The following PLCH1 variants were observed in gnomAD, a reference collection of about 807,000 sequenced individuals.
PLCH1 encodes 1-phosphatidylinositol 4,5-bisphosphate phosphodiesterase eta-1.
A neutral mutation model predicts 126.7 loss-of-function variants in PLCH1; 60 were observed. The observed-to-expected ratio is 0.47, with a 90% CI of 0.38 to 0.59. PLCH1 has a LOEUF of 0.59. Among genes scored for constraint, PLCH1 ranks in the 20% least tolerant of loss-of-function variants. The pLI is 0.00. For missense variants in PLCH1, 1,723 were observed against 2,040.0 expected, an observed-to-expected ratio of 0.84 and a Z score of 2.99; for synonymous variants, 719 against 734.9, an observed-to-expected ratio of 0.98 and a Z score of 0.35.
chr3:155,519,819 A>G (rs1720843895), intron 11 of PLCH1, among the ~76,000 whole-genome samples: 1 of 151,012 alleles, frequency 6.6e-6, no homozygotes, highest in Non-Finnish European at 1.5e-5. Context: ...CTAAAAACTG[A>G]AGTATTTCAA....
At chr3:155,578,055 T>C (rs1401165637) in intron 6 of PLCH1, among the ~76,000 whole-genome samples, 1 of 152,146 alleles carries the variant, frequency 6.6e-6, no homozygotes, top group Non-Finnish European at 1.5e-5. Context: ...GCTTGCAGTG[T>C]GTGGAATGCA....
chr3:155,608,379 C>T (rs1250973505), intron 2 of PLCH1, among the ~76,000 whole-genome samples: 1 of 152,196 alleles, frequency 6.6e-6, no homozygotes, highest in East Asian at 1.9e-4. Context: ...TGTGAGCAGG[C>T]AGGGAGGGGT....
intron 8 of PLCH1, among the ~76,000 whole-genome samples, chr3:155,559,022 T>C (rs536008): frequency 0.52 from 79,214 of 152,016 alleles, 22,940 homozygotes; most frequent in Non-Finnish European, 0.66. Context: ...TGCCAACCTC[T>C]CCTCTATGTT....
intron 5 of PLCH1, 152 bp from the exon 6 acceptor site, chr3:155,583,794 A>G (rs770506991): frequency 7.5e-6 from 4 of 532,962 alleles, no homozygotes; most frequent in Non-Finnish European, 9.4e-6. Context: ...TCAAGCACAC[A>G]TGGAACATTA....
intron 19 of PLCH1, among the ~76,000 whole-genome samples, chr3:155,490,400 G>C (rs1301279824): frequency 6.6e-6 from 1 of 152,076 alleles, no homozygotes; most frequent in Non-Finnish European, 1.5e-5. Context: ...GAAAAAGTGA[G>C]AAATTATCAA....
In PLCH1 at chr3:155,500,700, T is replaced by C; in HGVS notation, c.1796+3A>G. 4 of 1,589,438 alleles carry C rather than the reference T, an allele frequency of 2.5e-6. No homozygotes were observed. The highest frequency in any genetic ancestry group is 3.5e-6 in the Non-Finnish European group (4 of 1,157,548). On this transcript the variant is annotated splice_donor_region_variant and intron_variant, in intron 14 of 22. Transcript: ENST00000460012. ...AGTAGGAAACATGGAGATGCTTTCT[T>C]ACCTGTACAGCTGGCCACCCTCCTT... is the stretch of plus-strand genomic sequence containing the variant.
Position 155,500,310 on chromosome 3 carries a change from G to A in PLCH1, c.1796+393C>T, listed in dbSNP as rs911074151. On this transcript the variant is annotated intron_variant, in intron 14 of 22. Coordinates refer to ENST00000460012, the MANE Select transcript of PLCH1 (RefSeq NM_014996.4). ...GATACAATGAGGAGCCAAACTTGTC[G>A]CATGTTAAAGTTGGTAACTGGAGGA... Among the ~76,000 whole-genome samples, 22 of 152,206 alleles carry A rather than the reference G, an allele frequency of 1.4e-4. No homozygotes were observed. In the East Asian group the frequency reaches 2.1e-3, roughly 15 times the overall value.
chr3:155,596,082 C>T, intron 3 of PLCH1, 150 bp downstream of exon 3: 1 of 627,232 alleles, frequency 1.6e-6, no homozygotes, highest in Non-Finnish European at 2.8e-6. Flanking sequence ...CAAAGATGGT[C>T]ATTATTCTGC....
chr3:155,542,886 G>C (rs577265288), intron 10 of PLCH1, among the ~76,000 whole-genome samples: 1 of 151,972 alleles, frequency 6.6e-6, no homozygotes. Flanking sequence ...AAACCCATCT[G>C]TACATCACCA....
chr3:155,545,957 A>C (rs1001753739), intron 10 of PLCH1, among the ~76,000 whole-genome samples: 1 of 151,838 alleles, frequency 6.6e-6, no homozygotes, highest in African/African-American at 2.4e-5. Context: ...AACTGGAAGC[A>C]TTCCCTTTGA....
At chr3:155,715,379 G>C (rs1193456062) in intron 1 of PLCH1, among the ~76,000 whole-genome samples, 1 of 152,130 alleles carries the variant, frequency 6.6e-6, no homozygotes, top group South Asian at 2.1e-4. Flanking sequence ...ACAGCTCACG[G>C]CAACCTCTGC....
chr3:155,635,249 C>T (rs2108829973), intron 2 of PLCH1, among the ~76,000 whole-genome samples: 1 of 152,208 alleles, frequency 6.6e-6, no homozygotes, highest in Non-Finnish European at 1.5e-5. Context: ...TCACAAACTC[C>T]AGCACCCAAA....
At chr3:155,707,474 A>C (rs1452617125) in intron 1 of PLCH1, among the ~76,000 whole-genome samples, 1 of 152,094 alleles carries the variant, frequency 6.6e-6, no homozygotes, top group African/African-American at 2.4e-5. Flanking sequence ...GGGTCACCTG[A>C]GGTCAAGAGT....
intron 5 of PLCH1, 142 bp downstream of exon 5, chr3:155,585,923 C>A (rs1281233858): frequency 1.6e-6 from 1 of 624,832 alleles, no homozygotes; most frequent in South Asian, 3.7e-5. Context: ...GAAACAAAAT[C>A]ATTTCTTCAT....
At chr3:155,622,514 C>A (rs563265576) in intron 2 of PLCH1, among the ~76,000 whole-genome samples, 27 of 151,786 alleles carry the variant, frequency 1.8e-4, no homozygotes, top group Non-Finnish European at 2.9e-4. Context: ...ATTCAGGAGA[C>A]CCATCTCACA....
rs955368411 is a variant in PLCH1 at position 155,508,582 on chromosome 3, A to G, written c.1633-3956T>C. ...AGCATGAAGCTTGTTGAATTTTGTCAAAGGCTTTTTCTGCATCTATTGAGA... is the reference window on the plus strand; with the variant it reads ...AGCATGAAGCTTGTTGAATTTTGTCGAAGGCTTTTTCTGCATCTATTGAGA... On this transcript the variant is annotated intron_variant, in intron 12 of 22. Coordinates refer to ENST00000460012, the MANE Select transcript of PLCH1 (RefSeq NM_014996.4). Among the ~76,000 whole-genome samples, 263 of 139,662 alleles carry G rather than the reference A, an allele frequency of 1.9e-3. 1 individual carries two copies. Among genetic ancestry groups the G allele is most frequent in the African/African-American group, 7.0e-3 (247 of 35,158 alleles). The allele number at this position is 139,662 out of a possible 152,430, so 91.6% of individuals were successfully genotyped here.
At chr3:155,679,433 G>A (rs1744337917) in intron 2 of PLCH1, among the ~76,000 whole-genome samples, 1 of 152,178 alleles carries the variant, frequency 6.6e-6, no homozygotes, top group Non-Finnish European at 1.5e-5. Context: ...GAGGCCAAGG[G>A]CCTAGCCCCA....
chr3:155,639,791 A>G (rs553269888), intron 2 of PLCH1, among the ~76,000 whole-genome samples: 4 of 152,150 alleles, frequency 2.6e-5, no homozygotes, highest in Non-Finnish European at 5.9e-5. Flanking sequence ...TATAATCCCT[A>G]GTGTTGGAGG....
chr3:155,605,187 G>A (rs561183067), intron 2 of PLCH1, among the ~76,000 whole-genome samples: 1 of 152,228 alleles, frequency 6.6e-6, no homozygotes, highest in East Asian at 1.9e-4. Flanking sequence ...GTGGAGGGTG[G>A]GAATTTTCAG....
Sources: gnomAD v4.1 joint callset for allele counts (sites outside exome capture counted in the v4.1 genomes callset) on GRCh38, gnomAD v4.1.1 for gene constraint, MANE v1.5 for transcripts, NCBI Gene and HGNC (gene_info 2026-07-23, HGNC 2026-07-21) for gene names.